Variants in TOX4 observed in about 807,000 individuals in gnomAD.
TOX4 encodes the protein TOX high mobility group box family member 4, also known as epidermal Langerhans cell protein LCP1.
TOX4 carries 12 observed loss-of-function variants against 61.0 expected under a neutral mutation model. The observed-to-expected ratio is 0.20, with a 90% CI of 0.13 to 0.32. The LOEUF (loss-of-function observed/expected upper bound fraction) is 0.32, where lower values mean the gene tolerates loss of function less well. Among genes scored for constraint, TOX4 ranks in the 10% least tolerant of loss-of-function variants. The probability of loss-of-function intolerance (pLI) is 1.00; values close to 1 mark genes in which losing one functional copy is unlikely to be tolerated. For missense variants in TOX4, 499 were observed against 753.3 expected (o/e 0.66, Z 3.95); for synonymous variants, 268 against 274.8 (o/e 0.98, Z 0.24).
intron 2 of TOX4, among the ~76,000 whole-genome samples, chr14:21,479,638 AC>A (rs1891075633): frequency 6.6e-6 from 1 of 152,068 alleles, no homozygotes; most frequent in East Asian, 1.9e-4. Flanking sequence ...AACGAGTGAG[AC>A]TCCATCTCAA....
Position 21,477,521 on chromosome 14 carries a change from T to G in TOX4, c.32T>G (p.Leu11Arg). The G allele has an allele frequency of 6.2e-7, 1 of 1,613,690 alleles. No individual in the cohort carries two copies. Among genetic ancestry groups the G allele is most frequent in the Non-Finnish European group, 8.5e-7 (1 of 1,180,028 alleles). Residue 11 changes from leucine to arginine, a missense_variant, in exon 2 of 9, where the codon CTG becomes CGG. Leu to Arg is a moderately radical substitution (Grantham distance 102). Around this residue, in one of 7 missense-constraint regions of TOX4, gnomAD observed 22 missense variants for 22.5 expected, o/e 0.98. Coordinates refer to ENST00000448790, the MANE Select transcript of TOX4 (RefSeq NM_014828.4). ...TTTCCCGGAGGAAATGACAATTACC[T>G]GACGATCACAGGGCCTTCGCACCCC... MEFPGGNDNY[L>R]TITGPSHPFL...
intron 8 of TOX4, 88 bp downstream of exon 8, chr14:21,495,480 C>G: frequency 1.4e-6 from 2 of 1,479,946 alleles, no homozygotes; most frequent in Non-Finnish European, 1.8e-6. Context: ...ATCAGCATCT[C>G]AGTGTCACCT....
At chr14:21,490,170 CAAATA>C (rs1351202349) in intron 5 of TOX4, among the ~76,000 whole-genome samples, 1 of 149,716 alleles carries the variant, frequency 6.7e-6, no homozygotes, top group Non-Finnish European at 1.5e-5. Flanking sequence ...GACCCCGGCT[CAAATA>C]AATAAATAAT....
intron 2 of TOX4, chr14:21,482,492 A>AT (rs1343183446): frequency 4.5e-6 from 2 of 440,588 alleles, no homozygotes; most frequent in East Asian, 7.2e-5. Flanking sequence ...GGTATTTTTG[A>AT]TTTTTTGGTT....
At chr14:21,481,303 T>G (rs1308953687) in intron 2 of TOX4, among the ~76,000 whole-genome samples, 1 of 152,072 alleles carries the variant, frequency 6.6e-6, no homozygotes, top group Non-Finnish European at 1.5e-5. Flanking sequence ...ATCAACCTTC[T>G]GAGTAGCTGG....
In TOX4 at chr14:21,498,092, C is replaced by T. The variant is rs1035935588; in HGVS notation, c.*1486C>T. ...ATATAATACTGAGAGATGAGTTGCA[C>T]AAGATTATACACTGTTAAGTAGCAG... On this transcript the variant is annotated 3_prime_UTR_variant, in exon 9 of 9. Coordinates refer to ENST00000448790, the MANE Select transcript of TOX4 (RefSeq NM_014828.4). The T allele has an allele frequency of 3.4e-6, 2 of 590,956 alleles. No individual in the cohort carries two copies. Among genetic ancestry groups the T allele is most frequent in the Non-Finnish European group, 6.0e-6 (2 of 333,668 alleles). The allele number at this position is 590,956 out of a possible 1,614,324, so 36.6% of individuals were successfully genotyped here.
rs776686638 is a variant in TOX4, at chr14:21,487,641, C to T, written c.266C>T (p.Thr89Ile). Residue 89 changes from threonine (T) to isoleucine (I), a missense_variant, in exon 3 of 9, where the codon ACC becomes ATC. Transcript: ENST00000448790. ...VQTLDMPVGM[T>I]HGLMEQGGGL... Reference sequence around the variant, plus strand: ...ACATTGGACATGCCTGTGGGCATGACCCATGGCTTGATGGAGCAGGGCGGG... The same window carrying T: ...ACATTGGACATGCCTGTGGGCATGATCCATGGCTTGATGGAGCAGGGCGGG... 1.1e-5 allele frequency: 17 copies of T among 1,614,092 alleles called. No homozygotes were observed. The highest frequency in any genetic ancestry group is 6.8e-6 in the Non-Finnish European group (8 of 1,180,018).
intron 7 of TOX4, 118 bp from the exon 8 acceptor site, chr14:21,495,111 C>A: frequency 8.5e-7 from 1 of 1,177,500 alleles, no homozygotes. Flanking sequence ...AGTTTTGCCC[C>A]CCAGTGTGAG....
intron 6 of TOX4, 56 bp downstream of exon 6, chr14:21,492,432 G>A: frequency 6.2e-7 from 1 of 1,609,766 alleles, no homozygotes. Context: ...TTTTGGAAGT[G>A]TTTGTTAGCA....
intron 2 of TOX4, among the ~76,000 whole-genome samples, chr14:21,478,409 TTGTA>T (rs879739864): frequency 6.6e-6 from 1 of 152,262 alleles, no homozygotes; most frequent in Admixed American, 6.5e-5. Context: ...TACTTCATCT[TTGTA>T]TGTCACAGTT....
chr14:21,489,531 A>G, intron 5 of TOX4, 128 bp downstream of exon 5: 1 of 833,754 alleles, frequency 1.2e-6, no homozygotes, highest in Non-Finnish European at 1.8e-6. Context: ...CTTAAATATC[A>G]TCCCTTGTCT....
chr14:21,477,474 G>A (rs1306947108), intron 1 of TOX4, 22 bp from the exon 2 acceptor site: 4 of 1,612,878 alleles, frequency 2.5e-6, no homozygotes, highest in Non-Finnish European at 3.4e-6. Flanking sequence ...ACTTATCCCC[G>A]CGACTTTCTT....
chr14:21,493,677 G>C (rs1891342077), intron 7 of TOX4, among the ~76,000 whole-genome samples: 1 of 152,176 alleles, frequency 6.6e-6, no homozygotes, highest in African/African-American at 2.4e-5. Context: ...GATCTCAGGT[G>C]ATCTGCCTGC....
rs560757528 is a variant in TOX4 at position 21,484,768 on chromosome 14, C to T, written c.76-2683C>T. Among the ~76,000 whole-genome samples the T allele has an allele frequency of 3.8e-5, 4 of 106,282 alleles. 2 individuals are homozygous for T. Among genetic ancestry groups the T allele is most frequent in the African/African-American group, 7.1e-5 (2 of 28,284 alleles). 69.7% of individuals were successfully genotyped at this position (106,282 alleles called of 152,430 possible). A position where few individuals can be genotyped will look rare whatever the true frequency, so the allele number is the denominator to read the frequency against. ...CTGACTCCTGAGTTCAAGTGATCCTCGTGCCTCAGCCTCTCGAGTAGCTAG... is the reference window on the plus strand; with the variant it reads ...CTGACTCCTGAGTTCAAGTGATCCTTGTGCCTCAGCCTCTCGAGTAGCTAG... On this transcript the variant is annotated intron_variant, in intron 2 of 8. Transcript: ENST00000448790.
chr14:21,496,724 C>T lies in TOX4; in HGVS notation c.*118C>T, dbSNP rs1891411353. The T allele has an allele frequency of 1.2e-6, 1 of 832,998 alleles. No individual in the cohort carries two copies. Among genetic ancestry groups the T allele is most frequent in the South Asian group, 1.5e-5 (1 of 64,858 alleles). 51.6% of individuals were successfully genotyped at this position (832,998 alleles called of 1,614,324 possible). A position where few individuals can be genotyped will look rare whatever the true frequency, so the allele number is the denominator to read the frequency against. On this transcript the variant is annotated 3_prime_UTR_variant, in exon 9 of 9. Coordinates refer to ENST00000448790, the MANE Select transcript of TOX4 (RefSeq NM_014828.4). ...CTCATCACAACCCATGATGGCTGTT[C>T]ATGTTTCACCCCTTTTCTTCCTTCA...
In TOX4 at chr14:21,498,986, T is replaced by TA. The variant is rs772213731; in HGVS notation, c.*2381dup. 22 of 1,365,072 alleles carry TA rather than the reference T, an allele frequency of 1.6e-5. No homozygotes were observed. In the East Asian group the frequency reaches 5.0e-4, roughly 31 times the overall value. 84.6% of individuals were successfully genotyped at this position (1,365,072 alleles called of 1,614,324 possible). ...AAGTTCTGTCCTTAATCATAAATAA[T>TA]AGCCCCTTGAGGACTAGCCTGTTCT... On this transcript the variant is annotated 3_prime_UTR_variant, in exon 9 of 9. Transcript: ENST00000448790.
intron 2 of TOX4, among the ~76,000 whole-genome samples, chr14:21,482,147 C>CT (rs1891117042): frequency 6.6e-6 from 1 of 152,168 alleles, no homozygotes; most frequent in African/African-American, 2.4e-5. Flanking sequence ...GCAATTTAAT[C>CT]TTTCTGTTTC....
chr14:21,492,153 T>G, intron 5 of TOX4, 143 bp from the exon 6 acceptor site: 1 of 775,232 alleles, frequency 1.3e-6, no homozygotes, highest in Non-Finnish European at 2.1e-6. Context: ...GACTGTTAGC[T>G]TTCAGAATTG....
chr14:21,490,863 T>C (rs1891276367), intron 5 of TOX4, among the ~76,000 whole-genome samples: 1 of 152,264 alleles, frequency 6.6e-6, no homozygotes, highest in Non-Finnish European at 1.5e-5. Flanking sequence ...TTCGCTCCTG[T>C]TACCCAGGCT....
Sources: gnomAD v4.1 joint callset for allele counts (sites outside exome capture counted in the v4.1 genomes callset) on GRCh38, gnomAD v4.1.1 for gene constraint, gnomAD v4.1.1 regional missense constraint, MANE v1.5 for transcripts, NCBI Gene and HGNC (gene_info 2026-07-23, HGNC 2026-07-21) for gene names.